SEC23B: variants seen among roughly 807,000 people sequenced by gnomAD.
SEC23B encodes SEC23 homolog B, COPII component.
In SEC23B, 77 loss-of-function variants were observed where a neutral mutation model predicts 104.3. That is an observed-to-expected ratio of 0.74 (90% CI 0.61 to 0.89). SEC23B has a LOEUF of 0.89. Ranked by LOEUF, SEC23B falls within the 40% of genes least tolerant of loss-of-function variation. The probability of loss-of-function intolerance (pLI) is 0.00; values close to 1 mark genes in which losing one functional copy is unlikely to be tolerated. For missense variants in SEC23B, 885 were observed against 949.4 expected, an observed-to-expected ratio of 0.93 and a Z score of 0.89; for synonymous variants, 338 against 332.5, an observed-to-expected ratio of 1.02 and a Z score of -0.18.
chr20:18,517,296 T>G (rs892580325), intron 4 of SEC23B, among the ~76,000 whole-genome samples: 1 of 152,150 alleles, frequency 6.6e-6, no homozygotes, highest in Admixed American at 6.6e-5. Flanking sequence ...GAGCAATGTT[T>G]TGTGGGCAGG....
chr20:18,548,565 G>A, intron 15 of SEC23B, 44 bp from the exon 16 acceptor site: 1 of 1,597,020 alleles, frequency 6.3e-7, no homozygotes, highest in Non-Finnish European at 8.6e-7. Context: ...GTCTAAGAAG[G>A]TTACAATTAT....
chr20:18,518,626 G>A (rs1333604124), intron 4 of SEC23B, among the ~76,000 whole-genome samples: 1 of 119,196 alleles, frequency 8.4e-6, no homozygotes, highest in Non-Finnish European at 1.6e-5. Context: ...CATCTGCCTT[G>A]AGTGGAGAGG....
chr20:18,557,595 A>C (rs1237319926), intron 19 of SEC23B, among the ~76,000 whole-genome samples: 9 of 152,200 alleles, frequency 5.9e-5, no homozygotes, highest in African/African-American at 2.2e-4. Context: ...TTAGTATCAC[A>C]TCAGACAGTG....
At chr20:18,515,614 A>G (rs759263643) in intron 3 of SEC23B, 36 bp from the exon 4 acceptor site, 1 of 1,215,708 alleles carries the variant, frequency 8.2e-7, no homozygotes, top group Non-Finnish European at 1.2e-6. Flanking sequence ...TAATATAGTT[A>G]TGCCAACCCT....
chr20:18,555,030 ACTTAT>A, intron 18 of SEC23B, 73 bp from the exon 19 acceptor site: 3 of 1,346,258 alleles, frequency 2.2e-6, no homozygotes, highest in Admixed American at 3.5e-5. Flanking sequence ...TGTTGTAAAA[ACTTAT>A]CTTTTTTCTG....
intron 12 of SEC23B, among the ~76,000 whole-genome samples, chr20:18,540,238 TC>T (rs2060275391): frequency 6.6e-6 from 1 of 152,214 alleles, no homozygotes; most frequent in Non-Finnish European, 1.5e-5. Context: ...GACTTGAAAG[TC>T]AAAATTTCTC....
intron 1 of SEC23B, among the ~76,000 whole-genome samples, chr20:18,508,547 A>T (rs1198507881): frequency 6.6e-6 from 1 of 152,028 alleles, no homozygotes; most frequent in Non-Finnish European, 1.5e-5. Flanking sequence ...ATATTCCCTC[A>T]TGCGCATAAC....
At chr20:18,550,484 A>G (rs1203306672) in intron 16 of SEC23B, among the ~76,000 whole-genome samples, 1 of 152,162 alleles carries the variant, frequency 6.6e-6, no homozygotes, top group African/African-American at 2.4e-5. Context: ...GTAAACTTTA[A>G]AAACTTGTAT....
Position 18,551,060 on chromosome 20 carries a change from A to G in SEC23B, c.1906-29A>G, listed in dbSNP as rs1160197615. ...GCTGTGTGGGGAGCAGGGAAGACCAATGCCATCTTTCTCTCTCTTTTTCTT... is the reference window on the plus strand; with the variant it reads ...GCTGTGTGGGGAGCAGGGAAGACCAGTGCCATCTTTCTCTCTCTTTTTCTT... On this transcript the variant is annotated intron_variant, in intron 16 of 19. Coordinates refer to ENST00000650089, the MANE Select transcript of SEC23B (RefSeq NM_006363.6). 8.9e-6 allele frequency: 13 copies of G among 1,460,684 alleles called. No individual in the cohort carries two copies. The African/African-American group carries it at 1.7e-4, about 19-fold the overall frequency. 90.5% of individuals were successfully genotyped at this position (1,460,684 alleles called of 1,614,324 possible).
At chr20:18,522,503 C>T (rs1446582184) in intron 4 of SEC23B, among the ~76,000 whole-genome samples, 1 of 152,120 alleles carries the variant, frequency 6.6e-6, no homozygotes, top group Non-Finnish European at 1.5e-5. Context: ...ACCACTTACC[C>T]GATTTGAAAT....
intron 10 of SEC23B, 52 bp downstream of exon 10, chr20:18,530,855 T>A: frequency 2.0e-6 from 3 of 1,487,490 alleles, no homozygotes; most frequent in Non-Finnish European, 2.8e-6. Flanking sequence ...CTGCCCAGGC[T>A]GGTCTCAAAC....
chr20:18,528,730 T>G (rs1436139936), intron 9 of SEC23B, among the ~76,000 whole-genome samples: 1 of 152,238 alleles, frequency 6.6e-6, no homozygotes, highest in Non-Finnish European at 1.5e-5. Context: ...TTTAATAGTA[T>G]GAATTCCTAC....
intron 12 of SEC23B, among the ~76,000 whole-genome samples, chr20:18,537,647 T>C (rs1351414260): frequency 6.6e-6 from 1 of 151,998 alleles, no homozygotes; most frequent in Admixed American, 6.6e-5. Flanking sequence ...AATGATGAGT[T>C]AATGGGTACA....
chr20:18,560,065 T>C (rs2060477714), intron 19 of SEC23B, among the ~76,000 whole-genome samples: 1 of 150,674 alleles, frequency 6.6e-6, no homozygotes. Context: ...GAGTTAACTA[T>C]TTCCAGCTTT....
chr20:18,516,843 G>A (rs866621074), intron 4 of SEC23B, among the ~76,000 whole-genome samples: 12 of 151,912 alleles, frequency 7.9e-5, no homozygotes, highest in South Asian at 2.1e-4. Context: ...GTGAGCCACC[G>A]CACCCGGCCA....
At chr20:18,560,177 A>G (rs1055371297) in intron 19 of SEC23B, among the ~76,000 whole-genome samples, 3 of 151,760 alleles carry the variant, frequency 2.0e-5, no homozygotes, top group Non-Finnish European at 2.9e-5. Flanking sequence ...TTTCTATTCA[A>G]TTTTTCCCAT....
At chr20:18,520,690 A>G (rs2148893960) in intron 4 of SEC23B, among the ~76,000 whole-genome samples, 1 of 152,192 alleles carries the variant, frequency 6.6e-6, no homozygotes, top group Non-Finnish European at 1.5e-5. Context: ...AATACCCACA[A>G]CGGTTATGGA....
intron 19 of SEC23B, among the ~76,000 whole-genome samples, chr20:18,556,245 G>A (rs1397237337): frequency 2.6e-5 from 4 of 152,134 alleles, no homozygotes; most frequent in Admixed American, 6.6e-5. Flanking sequence ...GGTACTATCC[G>A]TGGCCTGCAG....
At chr20:18,554,112 C>A in intron 17 of SEC23B, 123 bp from the exon 18 acceptor site, 1 of 1,163,122 alleles carries the variant, frequency 8.6e-7, no homozygotes, top group Non-Finnish European at 1.3e-6. Flanking sequence ...TGAAGCTTGT[C>A]ATTTTTGATA....
Sources: allele counts gnomAD v4.1 joint callset (sites outside exome capture counted in the v4.1 genomes callset), GRCh38; gene constraint gnomAD v4.1.1; transcripts MANE v1.5; gene names NCBI Gene and HGNC (gene_info 2026-07-23, HGNC 2026-07-21).